The following NLN variants were observed in gnomAD, a reference collection of about 807,000 sequenced individuals.
NLN encodes the protein neurolysin, mitochondrial.
A neutral mutation model predicts 79.9 loss-of-function variants in NLN; 64 were observed. The observed-to-expected ratio is 0.80, with a 90% CI of 0.65 to 0.99. The LOEUF is 0.99. Ranked by LOEUF, NLN falls within the 50% of genes least tolerant of loss-of-function variation. The pLI is 0.00. For missense variants in NLN, 835 were observed against 858.7 expected (o/e 0.97, Z 0.34); for synonymous variants, 267 against 296.6 (o/e 0.90, Z 1.02).
Position 65,810,176 on chromosome 5 carries a change from A to G in NLN, c.1843+11A>G, listed in dbSNP as rs1760513360. The G allele has an allele frequency of 6.2e-7, 1 of 1,612,512 alleles. No individual in the cohort carries two copies. The highest frequency in any genetic ancestry group is 8.5e-7 in the Non-Finnish European group (1 of 1,178,672). On this transcript the variant is annotated intron_variant, in intron 11 of 12. Coordinates refer to ENST00000380985, the MANE Select transcript of NLN (RefSeq NM_020726.5). Reference sequence around the variant, plus strand: ...TTGCAGCTACTCCAGGTATGTAACTACTATGAATTGAGTTCATTTCTCTGT... The same window carrying G: ...TTGCAGCTACTCCAGGTATGTAACTGCTATGAATTGAGTTCATTTCTCTGT...
intron 12 of NLN, among the ~76,000 whole-genome samples, chr5:65,818,112 C>T (rs1269480708): frequency 5.3e-5 from 8 of 152,160 alleles, no homozygotes; most frequent in Non-Finnish European, 8.8e-5. Flanking sequence ...AAGGCCAGGC[C>T]TTCTAAATCT....
At chr5:65,750,085 T>C (rs1759070584) in intron 1 of NLN, among the ~76,000 whole-genome samples, 1 of 152,094 alleles carries the variant, frequency 6.6e-6, no homozygotes. Flanking sequence ...GGAGAAAGGG[T>C]ACCCAAGGAA....
At chr5:65,733,698 C>T in intron 1 of NLN, 1 of 1,373,062 alleles carries the variant, frequency 7.3e-7, no homozygotes, top group East Asian at 2.3e-5. Flanking sequence ...CTTCTGGACC[C>T]TTGGGCACTA....
chr5:65,806,110 T>A (rs1295820264), intron 9 of NLN, among the ~76,000 whole-genome samples: 1 of 152,164 alleles, frequency 6.6e-6, no homozygotes, highest in Non-Finnish European at 1.5e-5. Flanking sequence ...TTTCAAAATA[T>A]TACCACTCCT....
Position 65,828,997 on chromosome 5 carries a change from C to T in NLN, c.*6082C>T, listed in dbSNP as rs1418862929. On this transcript the variant is annotated 3_prime_UTR_variant, in exon 13 of 13. Coordinates refer to ENST00000380985, the MANE Select transcript of NLN (RefSeq NM_020726.5). ...CTGGGAACTGAGGATGGGAGATTAA[C>T]TGTTGTATATGACCATAGTAAAGCA... The T allele has an allele frequency of 6.6e-6, 1 of 152,196 alleles. No homozygotes were observed. The highest frequency in any genetic ancestry group is 1.5e-5 in the Non-Finnish European group (1 of 68,046). The allele number at this position is 152,196 out of a possible 1,614,324, so 9.4% of individuals were successfully genotyped here.
Position 65,812,264 on chromosome 5 carries a change from T to C in NLN, c.1853T>C (p.Met618Thr), listed in dbSNP as rs968337972. Residue 618 changes from methionine (M) to threonine (T), a missense_variant, in exon 12 of 13, where the codon ATG becomes ACG. Transcript: ENST00000380985. ...GTATCTTTTTTTAAAGGCACAAATATGCCAGCTACCTTTGGACATTTGGCA... is the reference window on the plus strand; with the variant it reads ...GTATCTTTTTTTAAAGGCACAAATACGCCAGCTACCTTTGGACATTTGGCA... ...LGVAATPGTN[M>T]PATFGHLAGG... The C allele has an allele frequency of 3.7e-6, 6 of 1,613,574 alleles. No homozygotes were observed. The highest frequency in any genetic ancestry group is 5.1e-6 in the Non-Finnish European group (6 of 1,179,650).
At chr5:65,776,662 C>T (rs1347025290) in intron 3 of NLN, among the ~76,000 whole-genome samples, 3 of 152,170 alleles carry the variant, frequency 2.0e-5, no homozygotes, top group African/African-American at 7.2e-5. Context: ...TGTATTCTGC[C>T]ACCTGCTTTA....
intron 4 of NLN, among the ~76,000 whole-genome samples, chr5:65,779,196 A>G (rs201199356): frequency 6.6e-6 from 1 of 152,168 alleles, no homozygotes; most frequent in Non-Finnish European, 1.5e-5. Context: ...CTCGACTTTT[A>G]AGAGTTTGCA....
rs73103218 is a variant in NLN at position 65,812,739 on chromosome 5, G to T, written c.1980+348G>T. On this transcript the variant is annotated intron_variant, in intron 12 of 12. Transcript: ENST00000380985. ...TTTTATAGGAGGTTGGGAAAGAAAG[G>T]TAAACTCCTTCCTGATGTAAATGGT... Among the ~76,000 whole-genome samples, 946 of 152,258 alleles carry T rather than the reference G, an allele frequency of 6.2e-3. 14 individuals carry two copies. The highest frequency in any genetic ancestry group is 0.022 in the African/African-American group (900 of 41,526).
chr5:65,788,109 T>G lies in NLN; in HGVS notation c.959-9T>G. Reference sequence around the variant, plus strand: ...CAAGTAGATCACTAACTTTTCCTTTTCCTTACAGATGATTTAAGCCAGAAG... The same window carrying G: ...CAAGTAGATCACTAACTTTTCCTTTGCCTTACAGATGATTTAAGCCAGAAG... On this transcript the variant is annotated splice_polypyrimidine_tract_variant and intron_variant, in intron 7 of 12. Transcript: ENST00000380985. 1 of 1,606,172 alleles carries G rather than the reference T, an allele frequency of 6.2e-7. No individual in the cohort carries two copies. The highest frequency in any genetic ancestry group is 8.5e-7 in the Non-Finnish European group (1 of 1,177,034).
chr5:65,816,351 G>A (rs1760671273), intron 12 of NLN, among the ~76,000 whole-genome samples: 2 of 152,136 alleles, frequency 1.3e-5, no homozygotes, highest in South Asian at 4.1e-4. Flanking sequence ...GACACGTAGA[G>A]GAGAACAGCA....
At chr5:65,771,802 A>C (rs562436757) in intron 3 of NLN, among the ~76,000 whole-genome samples, 35 of 152,226 alleles carry the variant, frequency 2.3e-4, no homozygotes, top group Middle Eastern at 3.4e-3. Context: ...GGATGGCCTA[A>C]GCCCAGAAGT....
intron 9 of NLN, among the ~76,000 whole-genome samples, chr5:65,805,447 C>A (rs762666685): frequency 6.6e-6 from 1 of 152,160 alleles, no homozygotes; most frequent in Non-Finnish European, 1.5e-5. Flanking sequence ...AATAAGAAAG[C>A]AAAATAGACT....
At chr5:65,745,762 T>G (rs564978005) in intron 1 of NLN, among the ~76,000 whole-genome samples, 1 of 152,298 alleles carries the variant, frequency 6.6e-6, no homozygotes, top group African/African-American at 2.4e-5. Flanking sequence ...CTGAAGTCAC[T>G]GGGGAACCAT....
rs1418743536 is a variant in NLN at position 65,731,734 on chromosome 5, TAC to T, written c.41+9322_41+9323del. Among the ~76,000 whole-genome samples the T allele has an allele frequency of 9.7e-5, 14 of 143,736 alleles. No individual in the cohort carries two copies. The East Asian group carries it at 2.9e-3, about 29-fold the overall frequency. 94.3% of individuals were successfully genotyped at this position (143,736 alleles called of 152,430 possible). ...AAGATTATGTATTTTAAAAATCACC[TAC>T]ATTTTCTTTTTTTTTTTTTTTTTTT... On this transcript the variant is annotated intron_variant, in intron 1 of 12. Transcript: ENST00000380985.
intron 1 of NLN, among the ~76,000 whole-genome samples, chr5:65,731,781 A>G (rs542743655): frequency 4.4e-5 from 5 of 114,890 alleles, no homozygotes; most frequent in African/African-American, 1.7e-4. Flanking sequence ...GACAGAGTCT[A>G]GCTCTGTCAC....
chr5:65,822,821 G>GA lies in NLN; in HGVS notation c.2022dup (p.Ser675IlefsTer15), dbSNP rs774593379. Reference sequence around the variant, plus strand: ...AGAAACCTAATCCTGAAACCTGGGGGATCTCTGGACGGCATGGACATGCTC... The same window carrying GA: ...AGAAACCTAATCCTGAAACCTGGGGGAATCTCTGGACGGCATGGACATGCTC... On this transcript the variant is annotated frameshift_variant, in exon 13 of 13. Transcript: ENST00000380985. LOFTEE classifies it high-confidence loss of function. 9 of 1,611,642 alleles carry GA rather than the reference G, an allele frequency of 5.6e-6. No homozygotes were observed. The highest frequency in any genetic ancestry group is 6.8e-6 in the Non-Finnish European group (8 of 1,177,886).
chr5:65,782,550 C>T (rs901348456), intron 6 of NLN, among the ~76,000 whole-genome samples: 31 of 152,288 alleles, frequency 2.0e-4, no homozygotes, highest in African/African-American at 7.5e-4. Context: ...CTTTCAGGCC[C>T]TCTGAACATA....
At chr5:65,722,555 TGGACCCCTGGG>T in intron 1 of NLN, 141 bp downstream of exon 1, 1 of 772,094 alleles carries the variant, frequency 1.3e-6, no homozygotes, top group African/African-American at 1.8e-5. Context: ...GCTTGCAAGG[TGGACCCCTGGG>T]GGACACCTGG....
Sources: allele counts gnomAD v4.1 joint callset (sites outside exome capture counted in the v4.1 genomes callset), GRCh38; gene constraint gnomAD v4.1.1; transcripts MANE v1.5; gene names NCBI Gene and HGNC (gene_info 2026-07-23, HGNC 2026-07-21).